The following AKAP19 variants were observed in gnomAD, a reference collection of about 807,000 sequenced individuals.
AKAP19 encodes small A-kinase anchoring protein.
At chr2:189,977,727 C>T in the AKAP19 span, among the ~76,000 whole-genome samples, 1 of 152,104 alleles carries the variant, frequency 6.6e-6, no homozygotes, top group South Asian at 2.1e-4. Flanking sequence ...TGGACTGAAT[C>T]TTGGGGTACT....
the AKAP19 span, among the ~76,000 whole-genome samples, chr2:190,124,795 T>C: frequency 6.6e-6 from 1 of 152,180 alleles, no homozygotes; most frequent in Non-Finnish European, 1.5e-5. Context: ...GCTTAAAACA[T>C]AAACACATTA....
At chr2:189,951,194 C>CTTT in the AKAP19 span, among the ~76,000 whole-genome samples, 282 of 60,422 alleles carry the variant, frequency 4.7e-3, 5 homozygotes, top group African/African-American at 0.013. Flanking sequence ...CTGAATCCTC[C>CTTT]TTTTTTTTTT....
At chr2:189,985,915 T>C in the AKAP19 span, among the ~76,000 whole-genome samples, 1 of 151,936 alleles carries the variant, frequency 6.6e-6, no homozygotes, top group African/African-American at 2.4e-5. Flanking sequence ...TGTATAAAAA[T>C]AAAAAAATTA....
the AKAP19 span, among the ~76,000 whole-genome samples, chr2:190,038,258 G>A: frequency 6.6e-6 from 1 of 152,130 alleles, no homozygotes; most frequent in Non-Finnish European, 1.5e-5. Context: ...TGAGATCCCT[G>A]TACCTTGTCA....
At chr2:189,953,737 T>C in the AKAP19 span, among the ~76,000 whole-genome samples, 53 of 151,974 alleles carry the variant, frequency 3.5e-4, no homozygotes, top group African/African-American at 1.2e-3. Context: ...AGTATCAATA[T>C]CACCTCATTT....
the AKAP19 span, among the ~76,000 whole-genome samples, chr2:190,055,394 C>T: frequency 5.3e-5 from 8 of 151,970 alleles, no homozygotes; most frequent in South Asian, 2.1e-4. Context: ...ACAAGTTACT[C>T]GGTGCAGCAC....
At chr2:190,168,467 A>C in the AKAP19 span, among the ~76,000 whole-genome samples, 1 of 139,800 alleles carries the variant, frequency 7.2e-6, no homozygotes, top group African/African-American at 2.7e-5. Flanking sequence ...TTGGCTCCTC[A>C]TTACTTATAC....
At chr2:189,994,168 G>A in the AKAP19 span, among the ~76,000 whole-genome samples, 2 of 151,578 alleles carry the variant, frequency 1.3e-5, no homozygotes, top group Non-Finnish European at 2.9e-5. Flanking sequence ...CTGCCACCAC[G>A]CCTGGCTAAT....
the AKAP19 span, among the ~76,000 whole-genome samples, chr2:190,038,901 T>TTCTTCTTCTTCTTCTTCTTC: frequency 1.8e-3 from 84 of 46,018 alleles, no homozygotes; most frequent in Middle Eastern, 8.8e-3. Context: ...TCTTTCTTTC[T>TTCTTCTTCTTCTTCTTCTTC]TTCTTCTTCT....
At chr2:190,166,317 C>CTTTTTT in the AKAP19 span, among the ~76,000 whole-genome samples, 1,115 of 65,266 alleles carry the variant, frequency 0.017, 16 homozygotes, top group Middle Eastern at 0.022. Context: ...AAAATCCACT[C>CTTTTTT]TTTTTTTTTT....
the AKAP19 span, among the ~76,000 whole-genome samples, chr2:189,976,570 C>A: frequency 6.6e-6 from 1 of 152,250 alleles, no homozygotes; most frequent in African/African-American, 2.4e-5. Flanking sequence ...CTCCTGCCCC[C>A]TGAGGTGGAG....
chr2:189,950,240 C>T, the AKAP19 span, among the ~76,000 whole-genome samples: 1 of 150,774 alleles, frequency 6.6e-6, no homozygotes, highest in African/African-American at 2.4e-5. Context: ...GTTGGCCAGG[C>T]TGGTCTCGAA....
At chr2:190,027,861 T>G in the AKAP19 span, among the ~76,000 whole-genome samples, 1 of 152,170 alleles carries the variant, frequency 6.6e-6, no homozygotes, top group Admixed American at 6.5e-5. Flanking sequence ...TTTACATTCT[T>G]TCATATACAA....
the AKAP19 span, among the ~76,000 whole-genome samples, chr2:190,118,971 A>G: frequency 6.6e-6 from 1 of 152,232 alleles, no homozygotes; most frequent in South Asian, 2.1e-4. Context: ...AGAAAACTCC[A>G]TTGTCTCAGC....
the AKAP19 span, among the ~76,000 whole-genome samples, chr2:190,126,201 G>T: frequency 6.9e-6 from 1 of 145,242 alleles, no homozygotes; most frequent in East Asian, 2.1e-4. Flanking sequence ...TGAGGCAGGG[G>T]AATTGCTTGA....
At chr2:189,948,825 T>C in the AKAP19 span, among the ~76,000 whole-genome samples, 25 of 152,306 alleles carry the variant, frequency 1.6e-4, no homozygotes, top group East Asian at 4.8e-3. Flanking sequence ...AAAATCATTT[T>C]TTTTTCTTAT....
the AKAP19 span, among the ~76,000 whole-genome samples, chr2:189,971,130 C>T: frequency 6.6e-6 from 1 of 152,238 alleles, no homozygotes; most frequent in Non-Finnish European, 1.5e-5. Context: ...CTATCCCTCC[C>T]CACTCCCCCA....
chr2:190,176,636 C>T, the AKAP19 span, among the ~76,000 whole-genome samples: 5 of 152,340 alleles, frequency 3.3e-5, no homozygotes, highest in East Asian at 1.9e-4. The surrounding 1 kb of genome is among the most constrained non-coding windows in gnomAD (Gnocchi z 4.7). Context: ...GCATGAGCCA[C>T]GGCATCCGGC....
At chr2:190,163,856 T>G in the AKAP19 span, 176 of 152,338 alleles carry the variant, frequency 1.2e-3, 1 homozygote, top group African/African-American at 4.1e-3. Flanking sequence ...CTAAGTTCCA[T>G]GTACTCATAT....
Sources: allele counts gnomAD v4.1 joint callset (sites outside exome capture counted in the v4.1 genomes callset), GRCh38; gene constraint gnomAD v4.1.1; non-coding constraint Gnocchi (gnomAD v3.1); transcripts MANE v1.5; gene names NCBI Gene and HGNC (gene_info 2026-07-23, HGNC 2026-07-21).